The following NKAIN3 variants were observed in gnomAD, a reference collection of about 807,000 sequenced individuals.
The protein encoded by NKAIN3 is sodium/potassium transporting ATPase interacting 3, also known as sodium/potassium-transporting ATPase subunit beta-1-interacting protein 3.
Under a neutral mutation model 30.2 loss-of-function variants are expected in NKAIN3, and 25 were observed. That is an observed-to-expected ratio of 0.83 (90% CI 0.60 to 1.16). NKAIN3 has a LOEUF of 1.16. NKAIN3 is among the 50% of genes most tolerant of loss of function. The probability of loss-of-function intolerance (pLI) is 0.00; values close to 1 mark genes in which losing one functional copy is unlikely to be tolerated. For missense variants in NKAIN3, 225 were observed against 254.1 expected, an observed-to-expected ratio of 0.89 and a Z score of 0.78; for synonymous variants, 91 against 89.6, an observed-to-expected ratio of 1.02 and a Z score of -0.09.
chr8:62,839,220 TAA>T (rs1296590268), intron 4 of NKAIN3, among the ~76,000 whole-genome samples: 1 of 94,886 alleles, frequency 1.1e-5, no homozygotes, highest in East Asian at 2.2e-4. Context: ...TACGCACGCT[TAA>T]TTTTCTTTTT....
chr8:62,695,566 G>C lies in NKAIN3; in HGVS notation c.274-51366G>C, dbSNP rs1353709578. Among the ~76,000 whole-genome samples, 3 of 152,188 alleles carry C rather than the reference G, an allele frequency of 2.0e-5. No individual in the cohort carries two copies. In the East Asian group the frequency reaches 5.8e-4, roughly 29 times the overall value. ...CAGCAAGAGTTTGAAAGGGCAGAAG[G>C]AGTAATTGACAATAAATCCAAAATT... On this transcript the variant is annotated intron_variant, in intron 3 of 6. Transcript: ENST00000623646.
chr8:62,275,678 G>A (rs1812927050), intron 1 of NKAIN3, among the ~76,000 whole-genome samples: 1 of 152,100 alleles, frequency 6.6e-6, no homozygotes, highest in Non-Finnish European at 1.5e-5. Context: ...ACATTTAAAA[G>A]CTTATTTAGT....
At chr8:62,758,657 G>A (rs1480132843) in intron 4 of NKAIN3, among the ~76,000 whole-genome samples, 2 of 152,102 alleles carry the variant, frequency 1.3e-5, no homozygotes, top group Non-Finnish European at 2.9e-5. Flanking sequence ...TTCAGAGCTG[G>A]GTTGACAGAG....
chr8:62,493,349 T>C (rs915753479), intron 1 of NKAIN3, among the ~76,000 whole-genome samples: 2 of 152,128 alleles, frequency 1.3e-5, no homozygotes, highest in African/African-American at 4.8e-5. Context: ...TTTGGCCTTA[T>C]ATTTGGGCTC....
chr8:62,295,201 CAT>C (rs1343436452), intron 1 of NKAIN3, among the ~76,000 whole-genome samples: 2 of 152,118 alleles, frequency 1.3e-5, no homozygotes, highest in Non-Finnish European at 2.9e-5. Context: ...ACCAAATCAA[CAT>C]GTGGATATAA....
intron 3 of NKAIN3, among the ~76,000 whole-genome samples, chr8:62,723,086 A>G (rs937437392): frequency 6.6e-6 from 1 of 152,192 alleles, no homozygotes; most frequent in Non-Finnish European, 1.5e-5. Context: ...CAGAGGATTC[A>G]AAACCAATCA....
At chr8:62,533,316 G>A (rs1200179707) in intron 1 of NKAIN3, among the ~76,000 whole-genome samples, 4 of 152,184 alleles carry the variant, frequency 2.6e-5, no homozygotes, top group South Asian at 2.1e-4. Context: ...ATTAACAGTC[G>A]ATACCTTCTG....
rs563652555 is a variant in NKAIN3, at chr8:62,339,369, T to C, written c.54+90242T>C. 2.6e-5 allele frequency among the ~76,000 whole-genome samples: 4 copies of C among 152,152 alleles called. No individual in the cohort carries two copies. The East Asian group carries it at 5.8e-4, about 22-fold the overall frequency. On this transcript the variant is annotated intron_variant, in intron 1 of 6. Transcript: ENST00000623646. The stretch of plus-strand genomic sequence containing the variant: ...GCAGGAGAGGGCAAGGTCTAATTTA[T>C]ATTTTAAGAAGCTCAGTCTGACTGC...
intron 1 of NKAIN3, among the ~76,000 whole-genome samples, chr8:62,520,365 A>T (rs1447572359): frequency 6.6e-6 from 1 of 152,148 alleles, no homozygotes; most frequent in Non-Finnish European, 1.5e-5. Context: ...AATAGTAAAA[A>T]CATAAAGTAA....
chr8:62,860,699 A>G (rs1820213920), intron 4 of NKAIN3, among the ~76,000 whole-genome samples: 1 of 152,112 alleles, frequency 6.6e-6, no homozygotes, highest in South Asian at 2.1e-4. Flanking sequence ...TGTCAGATGA[A>G]TTTTTCTATC....
intron 3 of NKAIN3, among the ~76,000 whole-genome samples, chr8:62,688,124 G>A (rs1032085149): frequency 1.3e-5 from 2 of 152,142 alleles, no homozygotes; most frequent in Non-Finnish European, 2.9e-5. Context: ...CATAATTTCA[G>A]TGACAAATAA....
chr8:62,881,739 T>C (rs1018206175), intron 4 of NKAIN3, among the ~76,000 whole-genome samples: 1 of 152,220 alleles, frequency 6.6e-6, no homozygotes, highest in Non-Finnish European at 1.5e-5. Context: ...TAAACTGTTT[T>C]GCATGAATAC....
intron 1 of NKAIN3, among the ~76,000 whole-genome samples, chr8:62,287,911 A>C (rs1426141157): frequency 6.6e-6 from 1 of 152,126 alleles, no homozygotes; most frequent in Non-Finnish European, 1.5e-5. Flanking sequence ...AATCACATTG[A>C]CTTGCTTAGC....
intron 1 of NKAIN3, among the ~76,000 whole-genome samples, chr8:62,345,356 CATATATGTATATATACACAT>C (rs1563942278): frequency 2.3e-3 from 22 of 9,764 alleles, no homozygotes; most frequent in Admixed American, 9.6e-3. Flanking sequence ...CACATATACA[CATATATGTATATATACACAT>C]ATATGTATAT....
chr8:62,674,062 A>T (rs6988031), intron 3 of NKAIN3, among the ~76,000 whole-genome samples: 3,005 of 152,346 alleles, frequency 0.02, 90 homozygotes, highest in African/African-American at 0.068. Flanking sequence ...TCTCGATGTT[A>T]CTTTGTTGTG....
intron 3 of NKAIN3, among the ~76,000 whole-genome samples, chr8:62,680,029 A>G (rs181799679): frequency 1.6e-4 from 24 of 152,302 alleles, no homozygotes. Flanking sequence ...GATTGGCAAG[A>G]TGCAGTTGAA....
At chr8:62,594,933 A>G (rs1373246979) in intron 3 of NKAIN3, among the ~76,000 whole-genome samples, 1 of 151,548 alleles carries the variant, frequency 6.6e-6, no homozygotes, top group Non-Finnish European at 1.5e-5. Flanking sequence ...TATATTACAT[A>G]TATAAGTTGC....
intron 3 of NKAIN3, among the ~76,000 whole-genome samples, chr8:62,669,351 C>T (rs973403048): frequency 1.5e-4 from 23 of 152,134 alleles, no homozygotes; most frequent in South Asian, 4.2e-4. Flanking sequence ...ATAAACCTCC[C>T]GCACTCCTAA....
chr8:62,410,073 T>C (rs557753387), intron 1 of NKAIN3, among the ~76,000 whole-genome samples: 20 of 152,240 alleles, frequency 1.3e-4, no homozygotes, highest in African/African-American at 4.6e-4. Context: ...TAGTACCCAA[T>C]AGGTAATTTT....
Sources: allele counts gnomAD v4.1 joint callset (sites outside exome capture counted in the v4.1 genomes callset), GRCh38; gene constraint gnomAD v4.1.1; transcripts MANE v1.5; gene names NCBI Gene and HGNC (gene_info 2026-07-23, HGNC 2026-07-21).